PHLDB2: variants seen among roughly 807,000 people sequenced by gnomAD.
The protein encoded by PHLDB2 is pleckstrin homology-like domain family B member 2.
Under a neutral mutation model 123.6 loss-of-function variants are expected in PHLDB2, and 71 were observed. The ratio of observed to expected loss-of-function variants is 0.57; its 90% confidence interval spans 0.47 to 0.70. The LOEUF (loss-of-function observed/expected upper bound fraction) is 0.70. Among genes scored for constraint, PHLDB2 ranks in the 30% least tolerant of loss-of-function variants. PHLDB2 has a pLI of 0.00. For synonymous variants in PHLDB2, 547 were observed against 541.6 expected, an observed-to-expected ratio of 1.01 and a Z score of -0.14; for missense variants, 1,446 against 1,519.5, an observed-to-expected ratio of 0.95 and a Z score of 0.80.
intron 1 of PHLDB2, among the ~76,000 whole-genome samples, chr3:111,834,157 AT>A (rs1559858037): frequency 5.3e-5 from 4 of 75,550 alleles, no homozygotes; most frequent in Non-Finnish European, 8.0e-5. Context: ...AATTATATAT[AT>A]TATATATGTA....
In PHLDB2 at chr3:111,815,664, A is replaced by C. The variant is rs557698672; in HGVS notation, c.-48-30157A>C. Among the ~76,000 whole-genome samples, 253 of 152,334 alleles carry C rather than the reference A, an allele frequency of 1.7e-3. 2 individuals carry two copies. Among genetic ancestry groups the C allele is most frequent in the African/African-American group, 5.6e-3 (232 of 41,584 alleles). ...GACTTGGGTGCTGTTAGAGGCATTC[A>C]GTTTTATAAGGGAAGCAGAGCATAA... On this transcript the variant is annotated intron_variant, in intron 1 of 17. Transcript: ENST00000393923.
intron 8 of PHLDB2, among the ~76,000 whole-genome samples, chr3:111,940,949 A>G (rs767586031): frequency 2.0e-5 from 3 of 152,206 alleles, no homozygotes; most frequent in Non-Finnish European, 2.9e-5. Flanking sequence ...CATACCATTC[A>G]TCAAATAGTT....
At chr3:111,965,968 A>G (rs1346595739) in intron 13 of PHLDB2, among the ~76,000 whole-genome samples, 1 of 152,112 alleles carries the variant, frequency 6.6e-6, no homozygotes, top group East Asian at 1.9e-4. Flanking sequence ...AAATCTCTTT[A>G]TACAGTTTTC....
At chr3:111,919,953 G>T (rs114562599) in intron 4 of PHLDB2, among the ~76,000 whole-genome samples, 1 of 108,968 alleles carries the variant, frequency 9.2e-6, no homozygotes, top group Non-Finnish European at 2.1e-5. Flanking sequence ...AAAGAAAGAC[G>T]TGGCTGCTCC....
intron 1 of PHLDB2, among the ~76,000 whole-genome samples, chr3:111,870,377 G>A (rs2065280116): frequency 6.6e-6 from 1 of 152,136 alleles, no homozygotes; most frequent in African/African-American, 2.4e-5. Flanking sequence ...AAGTAGCTAG[G>A]TCTATTTGCA....
chr3:111,926,702 A>G (rs997990926), intron 5 of PHLDB2, among the ~76,000 whole-genome samples: 31 of 152,212 alleles, frequency 2.0e-4, no homozygotes, highest in African/African-American at 7.2e-4. Flanking sequence ...TCAGAGGCAG[A>G]GAATGGTTGG....
intron 1 of PHLDB2, among the ~76,000 whole-genome samples, chr3:111,863,255 G>A (rs1006823155): frequency 3.3e-5 from 5 of 152,170 alleles, no homozygotes; most frequent in Non-Finnish European, 7.3e-5. Context: ...CATAGCAGAT[G>A]TTGCTTTTGA....
At chr3:111,734,023 C>T (rs984328740) in intron 1 of PHLDB2, among the ~76,000 whole-genome samples, 6 of 152,216 alleles carry the variant, frequency 3.9e-5, no homozygotes, top group African/African-American at 1.4e-4. Context: ...GGGTTTGTGG[C>T]TGAATATTTA....
intron 1 of PHLDB2, among the ~76,000 whole-genome samples, chr3:111,818,258 A>T (rs1296636304): frequency 6.6e-6 from 1 of 151,808 alleles, no homozygotes; most frequent in Non-Finnish European, 1.5e-5. Flanking sequence ...GGAAATGGAG[A>T]GATGATAGAC....
intron 1 of PHLDB2, among the ~76,000 whole-genome samples, chr3:111,881,091 A>G (rs1001724613): frequency 3.9e-5 from 6 of 152,302 alleles, no homozygotes; most frequent in Non-Finnish European, 7.4e-5. Flanking sequence ...CATTTTCACT[A>G]TGAGACTCAA....
intron 12 of PHLDB2, chr3:111,958,866 G>A: frequency 2.5e-6 from 1 of 397,516 alleles, no homozygotes; most frequent in Non-Finnish European, 4.9e-6. Flanking sequence ...AAAAGTAGAT[G>A]CATTCCACTT....
chr3:111,811,955 CAT>C (rs1449745686), intron 1 of PHLDB2, among the ~76,000 whole-genome samples: 1 of 152,158 alleles, frequency 6.6e-6, no homozygotes, highest in East Asian at 1.9e-4. Context: ...ATGTTCAAAA[CAT>C]TGCCCCAAGG....
intron 9 of PHLDB2, among the ~76,000 whole-genome samples, chr3:111,946,834 G>C (rs2070344257): frequency 6.6e-6 from 1 of 152,212 alleles, no homozygotes; most frequent in Non-Finnish European, 1.5e-5. Context: ...AAAAGTAAGA[G>C]AGGGAGATGC....
chr3:111,913,301 C>T lies in PHLDB2; in HGVS notation c.1336-18C>T. The T allele has an allele frequency of 6.4e-7, 1 of 1,560,952 alleles. No homozygotes were observed. Among genetic ancestry groups the T allele is most frequent in the Non-Finnish European group, 8.6e-7 (1 of 1,156,458 alleles). ...TTCTCACAAACCCACTGACCTCCCCCTCCTCCCTGTGTTCCAGGAGAGACA... is the reference window on the plus strand; with the variant it reads ...TTCTCACAAACCCACTGACCTCCCCTTCCTCCCTGTGTTCCAGGAGAGACA... On this transcript the variant is annotated intron_variant, in intron 2 of 17. Coordinates refer to ENST00000431670, the MANE Select transcript of PHLDB2 (RefSeq NM_001134438.2).
rs1255993666 is a variant in PHLDB2 at position 111,885,092 on chromosome 3, C to G, written c.1015C>G (p.Arg339Gly). 1.2e-6 allele frequency: 2 copies of G among 1,614,118 alleles called. No homozygotes were observed. Among genetic ancestry groups the G allele is most frequent in the Non-Finnish European group, 1.7e-6 (2 of 1,180,018 alleles). ...LSVPASPRVARKMLLASTSSC... is the reference protein window; with the variant it reads ...LSVPASPRVAGKMLLASTSSC... ...TGTCCCTGCCAGTCCACGAGTGGCT[C>G]GGAAGATGCTTCTGGCCTCCACCTC... Residue 339 changes from arginine to glycine, a missense_variant, in exon 2 of 18, where the codon CGG (arginine) becomes GGG (glycine). By Grantham distance (125) the Arg-to-Gly change is moderately radical. Around this residue, in one of 3 missense-constraint regions of PHLDB2, gnomAD observed 832 missense variants for 831.9 expected, o/e 1.00. Transcript: ENST00000431670.
At chr3:111,733,219 TAG>T (rs956009215) in intron 1 of PHLDB2, among the ~76,000 whole-genome samples, 5 of 152,178 alleles carry the variant, frequency 3.3e-5, no homozygotes, top group African/African-American at 1.2e-4. Context: ...CTTTGGAACC[TAG>T]AGAGTTAAAA....
intron 16 of PHLDB2, among the ~76,000 whole-genome samples, chr3:111,973,364 A>G (rs923617525): frequency 5.3e-5 from 8 of 152,168 alleles, no homozygotes; most frequent in Non-Finnish European, 1.2e-4. Context: ...ACATATTAAT[A>G]TTTTCATTAC....
intron 1 of PHLDB2, among the ~76,000 whole-genome samples, chr3:111,790,054 G>A (rs142469730): frequency 3.3e-5 from 5 of 152,130 alleles, no homozygotes; most frequent in Admixed American, 1.3e-4. Context: ...GGGGCAGGGC[G>A]TTCAAATTGC....
chr3:111,794,508 T>C (rs2061068167), intron 1 of PHLDB2, among the ~76,000 whole-genome samples: 1 of 152,258 alleles, frequency 6.6e-6, no homozygotes. Context: ...CTTTTGTGGA[T>C]AGTTGTTCAA....
Sources: gnomAD v4.1 joint callset for allele counts (sites outside exome capture counted in the v4.1 genomes callset) on GRCh38, gnomAD v4.1.1 for gene constraint, gnomAD v4.1.1 regional missense constraint, MANE v1.5 for transcripts, NCBI Gene and HGNC (gene_info 2026-07-23, HGNC 2026-07-21) for gene names.